DTWD2: variants seen among roughly 807,000 people sequenced by gnomAD.
The protein encoded by DTWD2 is tRNA-uridine aminocarboxypropyltransferase 2.
DTWD2 carries 39 observed loss-of-function variants against 31.8 expected under a neutral mutation model. The ratio of observed to expected loss-of-function variants is 1.22; its 90% CI spans 0.95 to 1.60. The LOEUF (loss-of-function observed/expected upper bound fraction) is 1.60. Ranked by LOEUF, DTWD2 falls within the 40% of genes most tolerant of loss-of-function variation. The probability of loss-of-function intolerance (pLI) is 0.00; values close to 1 mark genes in which losing one functional copy is unlikely to be tolerated. For missense variants in DTWD2, 515 were observed against 381.5 expected (o/e 1.35, Z -2.92); for synonymous variants, 180 against 142.8 (o/e 1.26, Z -1.86).
intron 5 of DTWD2, among the ~76,000 whole-genome samples, chr5:118,845,029 C>A (rs1751817608): frequency 6.6e-6 from 1 of 152,084 alleles, no homozygotes; most frequent in Non-Finnish European, 1.5e-5. Flanking sequence ...CACCTGTAGT[C>A]CCAGCTACTT....
chr5:118,970,636 G>T (rs1242928971), intron 1 of DTWD2, among the ~76,000 whole-genome samples: 1 of 151,864 alleles, frequency 6.6e-6, no homozygotes, highest in Admixed American at 6.6e-5. Context: ...GGAAATTCAG[G>T]GAACCCCAGA....
At chr5:118,846,654 G>A (rs1751859241) in intron 5 of DTWD2, among the ~76,000 whole-genome samples, 1 of 152,184 alleles carries the variant, frequency 6.6e-6, no homozygotes, top group South Asian at 2.1e-4. Flanking sequence ...AGACACCTGT[G>A]AAAAGTGTGT....
chr5:118,841,743 A>G (rs1203890691), intron 5 of DTWD2, among the ~76,000 whole-genome samples: 2 of 152,186 alleles, frequency 1.3e-5, no homozygotes, highest in African/African-American at 4.8e-5. Context: ...CAACTGGAGT[A>G]TACGCTCTAC....
intron 1 of DTWD2, among the ~76,000 whole-genome samples, chr5:118,947,254 T>C (rs910715061): frequency 1.3e-5 from 2 of 152,164 alleles, no homozygotes; most frequent in Non-Finnish European, 2.9e-5. Context: ...AGTGCTCTTT[T>C]AGCTTTGCTG....
rs565028160 is a variant in DTWD2 at position 118,846,917 on chromosome 5, C to T, written c.726+1173G>A. Among the ~76,000 whole-genome samples, 236 of 120,284 alleles carry T rather than the reference C, an allele frequency of 2.0e-3. 2 individuals are homozygous for T. Among genetic ancestry groups the T allele is most frequent in the African/African-American group, 8.0e-3 (227 of 28,380 alleles). The allele number at this position is 120,284 out of a possible 152,430, so 78.9% of individuals were successfully genotyped here. On this transcript the variant is annotated intron_variant, in intron 5 of 5. Coordinates refer to ENST00000510708, the MANE Select transcript of DTWD2 (RefSeq NM_173666.4). ...CCTAAACAAAGTCTACTCAAACACA[C>T]AGGCACACACACACACACACACACA...
At chr5:118,872,476 T>C (rs1752527269) in intron 4 of DTWD2, among the ~76,000 whole-genome samples, 1 of 152,196 alleles carries the variant, frequency 6.6e-6, no homozygotes, top group Admixed American at 6.5e-5. Flanking sequence ...CATTCTAGGA[T>C]ATTAATTGGC....
intron 5 of DTWD2, among the ~76,000 whole-genome samples, chr5:118,845,282 GA>G (rs2112671172): frequency 6.6e-6 from 1 of 152,302 alleles, no homozygotes; most frequent in African/African-American, 2.4e-5. Context: ...AGGTTATTGG[GA>G]AAAAGTGTAT....
At chr5:118,956,201 T>C (rs1291002469) in intron 1 of DTWD2, among the ~76,000 whole-genome samples, 4 of 152,238 alleles carry the variant, frequency 2.6e-5, no homozygotes, top group Non-Finnish European at 4.4e-5. Flanking sequence ...CTGACCAAAA[T>C]AGGTGCTGAG....
At position 118,923,886 on chromosome 5, in the gene DTWD2, C is replaced by T. The variant is rs571064498; in HGVS notation, c.597+4651G>A. Among the ~76,000 whole-genome samples, 15 of 152,242 alleles carry T rather than the reference C, an allele frequency of 9.9e-5. No individual in the cohort carries two copies. The East Asian group carries it at 1.2e-3, about 12-fold the overall frequency. ...GTTTTGTCCCTGCTTTTATAAGCCA[C>T]CTCAGACAGACACTGGAACATGTTA... On this transcript the variant is annotated intron_variant, in intron 4 of 5. Transcript: ENST00000510708.
At chr5:118,947,509 C>A (rs1237620077) in intron 1 of DTWD2, among the ~76,000 whole-genome samples, 1 of 152,172 alleles carries the variant, frequency 6.6e-6, no homozygotes, top group African/African-American at 2.4e-5. Flanking sequence ...TTTTCCCCAA[C>A]GTCAAACTGC....
At chr5:118,872,392 A>G (rs561672165) in intron 4 of DTWD2, among the ~76,000 whole-genome samples, 5 of 152,212 alleles carry the variant, frequency 3.3e-5, no homozygotes, top group Non-Finnish European at 4.4e-5. Context: ...TTCCTCAATA[A>G]GCTTAATCAT....
chr5:118,920,006 T>TA (rs544443298), intron 4 of DTWD2, among the ~76,000 whole-genome samples: 87 of 143,650 alleles, frequency 6.1e-4, no homozygotes, highest in East Asian at 2.0e-3. Flanking sequence ...GTAATAAAAA[T>TA]AAAAAAAAAA....
At chr5:118,966,621 G>T (rs952399632) in intron 1 of DTWD2, among the ~76,000 whole-genome samples, 132 of 152,236 alleles carry the variant, frequency 8.7e-4, no homozygotes, top group African/African-American at 2.7e-3. Flanking sequence ...AACTATAGAA[G>T]GAAAAGTTGA....
chr5:118,840,000 T>C lies in DTWD2; in HGVS notation c.*917A>G, dbSNP rs915565546. ...CTTCCTGCCAAAATGTGTACATAAT[T>C]GCAGTAGACTTGTGCTGAATATACA... On this transcript the variant is annotated 3_prime_UTR_variant, in exon 6 of 6. Coordinates refer to ENST00000510708, the MANE Select transcript of DTWD2 (RefSeq NM_173666.4). 1 of 152,176 alleles carries C rather than the reference T, an allele frequency of 6.6e-6. No individual in the cohort carries two copies. Among genetic ancestry groups the C allele is most frequent in the Admixed American group, 6.6e-5 (1 of 15,266 alleles). 9.4% of individuals were successfully genotyped at this position (152,176 alleles called of 1,614,324 possible).
chr5:118,847,675 T>C (rs1178316926), intron 5 of DTWD2, among the ~76,000 whole-genome samples: 1 of 151,726 alleles, frequency 6.6e-6, no homozygotes, highest in African/African-American at 2.4e-5. Context: ...AACAGAAAGT[T>C]AGTATACGGC....
intron 4 of DTWD2, among the ~76,000 whole-genome samples, chr5:118,859,337 T>C (rs1752208134): frequency 6.6e-6 from 1 of 152,174 alleles, no homozygotes; most frequent in Non-Finnish European, 1.5e-5. Context: ...ATCTCATAAA[T>C]GTCAATGAAG....
chr5:118,857,139 TA>T (rs892626409), intron 4 of DTWD2, among the ~76,000 whole-genome samples: 7 of 151,776 alleles, frequency 4.6e-5, no homozygotes, highest in African/African-American at 1.7e-4. Context: ...ACACTTCCAT[TA>T]AAAAAAAGTT....
intron 1 of DTWD2, among the ~76,000 whole-genome samples, chr5:118,952,999 C>A (rs1232604409): frequency 6.6e-6 from 1 of 152,180 alleles, no homozygotes; most frequent in African/African-American, 2.4e-5. Flanking sequence ...AGATGATGAA[C>A]CCTCTAAGAG....
intron 4 of DTWD2, among the ~76,000 whole-genome samples, chr5:118,889,234 C>A (rs1431279133): frequency 6.6e-6 from 1 of 151,910 alleles, no homozygotes. Flanking sequence ...AAATAACAAG[C>A]CAAGAAAAAT....
Sources: allele counts gnomAD v4.1 joint callset (sites outside exome capture counted in the v4.1 genomes callset), GRCh38; gene constraint gnomAD v4.1.1; transcripts MANE v1.5; gene names NCBI Gene and HGNC (gene_info 2026-07-23, HGNC 2026-07-21).